The following PTCHD4 variants were observed in gnomAD, a reference collection of about 807,000 sequenced individuals.
PTCHD4 encodes patched domain-containing protein 4.
A neutral mutation model predicts 58.1 loss-of-function variants in PTCHD4; 33 were observed. The observed-to-expected ratio is 0.57, with a 90% confidence interval of 0.43 to 0.76. The LOEUF (loss-of-function observed/expected upper bound fraction) is 0.76. PTCHD4 is among the 30% of genes least tolerant of loss of function. The pLI, the probability that PTCHD4 is intolerant of heterozygous loss-of-function variation, is 0.00. For synonymous variants in PTCHD4, 478 were observed against 409.6 expected, an observed-to-expected ratio of 1.17 and a Z score of -2.02; for missense variants, 1,058 against 1,027.1, an observed-to-expected ratio of 1.03 and a Z score of -0.41.
chr6:48,075,354 T>C (rs1765043293), intron 1 of PTCHD4, among the ~76,000 whole-genome samples: 1 of 152,104 alleles, frequency 6.6e-6, no homozygotes, highest in African/African-American at 2.4e-5. Flanking sequence ...ATCATAAGTA[T>C]GGAATTTTCC....
intron 3 of PTCHD4, among the ~76,000 whole-genome samples, chr6:48,022,236 C>T (rs1396271458): frequency 2.0e-5 from 3 of 151,408 alleles, no homozygotes; most frequent in Non-Finnish European, 4.4e-5. Context: ...TCCCTGTTTT[C>T]CTCCTCTTTC....
At position 48,074,665 on chromosome 6, in the gene PTCHD4, GTTTGT is replaced by G. The variant is rs534028465; in HGVS notation, c.-969-4744_-969-4740del. On this transcript the variant is annotated intron_variant, in intron 1 of 4. Coordinates refer to ENST00000339488, the MANE Select transcript of PTCHD4 (RefSeq NM_001384253.1). ...ATTGTCACGGGGGAGTTTATGCAGA[GTTTGT>G]TTTGTTTTGTTTTGTTTTGTTTTAA... Among the ~76,000 whole-genome samples, 41 of 152,266 alleles carry G rather than the reference GTTTGT, an allele frequency of 2.7e-4. 1 individual carries two copies. The highest frequency in any genetic ancestry group is 7.9e-4 in the African/African-American group (33 of 41,538).
chr6:48,092,441 G>C (rs2113903642), intron 1 of PTCHD4, among the ~76,000 whole-genome samples: 1 of 152,304 alleles, frequency 6.6e-6, no homozygotes, highest in Admixed American at 6.5e-5. Flanking sequence ...ATTAAGATGA[G>C]AGAATATTAA....
chr6:47,889,568 A>G (rs1764313088), intron 4 of PTCHD4, among the ~76,000 whole-genome samples: 1 of 151,954 alleles, frequency 6.6e-6, no homozygotes, highest in African/African-American at 2.4e-5. Context: ...CAACTATCTG[A>G]TCTTTGACAA....
chr6:47,987,006 G>A (rs1468470509), intron 4 of PTCHD4, among the ~76,000 whole-genome samples: 1 of 151,916 alleles, frequency 6.6e-6, no homozygotes, highest in Admixed American at 6.6e-5. Flanking sequence ...TTTTTGAGAA[G>A]GAGATACCAG....
rs1765594199 is a variant in PTCHD4 at position 48,101,129 on chromosome 6, T to C, written c.-970+9920A>G. 1.3e-5 allele frequency among the ~76,000 whole-genome samples: 2 copies of C among 152,080 alleles called. 1 individual carries two copies. Among genetic ancestry groups the C allele is most frequent in the African/African-American group, 4.8e-5 (2 of 41,518 alleles). ...CAAATAGACAACCCAAGTTACTAAATGGTATTTTTAAGAGACACATCCCAA... is the reference window on the plus strand; with the variant it reads ...CAAATAGACAACCCAAGTTACTAAACGGTATTTTTAAGAGACACATCCCAA... On this transcript the variant is annotated intron_variant, in intron 1 of 4. Transcript: ENST00000339488.
chr6:48,055,772 T>C (rs560213286), intron 3 of PTCHD4, among the ~76,000 whole-genome samples: 1 of 152,356 alleles, frequency 6.6e-6, no homozygotes, highest in East Asian at 1.9e-4. Flanking sequence ...GGTGAGTATC[T>C]GTCTCCTGGG....
chr6:47,887,011 G>C (rs559348632), intron 4 of PTCHD4, among the ~76,000 whole-genome samples: 8 of 152,128 alleles, frequency 5.3e-5, no homozygotes, highest in Non-Finnish European at 1.2e-4. Context: ...CACTGGCCAG[G>C]TTAGGCACTT....
chr6:48,024,034 T>TA (rs1005356796), intron 3 of PTCHD4, among the ~76,000 whole-genome samples: 2 of 152,270 alleles, frequency 1.3e-5, no homozygotes, highest in Non-Finnish European at 1.5e-5. Flanking sequence ...CAAAATTACT[T>TA]AGAGTCTCTA....
Position 47,856,815 on chromosome 6 carries a change from A to T in PTCHD4, c.*21488T>A, listed in dbSNP as rs1488542461. 6.6e-6 allele frequency among the ~76,000 whole-genome samples: 1 copy of T among 152,122 alleles called. No homozygotes were observed. Among genetic ancestry groups the T allele is most frequent in the Non-Finnish European group, 1.5e-5 (1 of 67,990 alleles). ...TAAAAAAGTTAAAATAATTAACAGC[A>T]TTCATCAGATTAATTTTGTTTTCAC... On this transcript the variant is annotated 3_prime_UTR_variant, in exon 5 of 5. Transcript: ENST00000339488.
At chr6:47,931,037 G>T (rs143116950) in intron 4 of PTCHD4, among the ~76,000 whole-genome samples, 2 of 152,118 alleles carry the variant, frequency 1.3e-5, no homozygotes, top group African/African-American at 4.8e-5. Flanking sequence ...CACCCGCCTC[G>T]GCCTCCCAAA....
rs1243282267 is a variant in PTCHD4 at position 48,065,924 on chromosome 6, C to T, written c.417+2306G>A. 2.6e-5 allele frequency among the ~76,000 whole-genome samples: 4 copies of T among 152,192 alleles called. No homozygotes were observed. The East Asian group carries it at 5.8e-4, about 22-fold the overall frequency. On this transcript the variant is annotated intron_variant, in intron 3 of 4. Transcript: ENST00000339488. ...ATATTAACCTTTGTAATTAATGATT[C>T]CCTTCTTTAGCAATTACCCTCTGAC...
chr6:47,954,163 C>G (rs12201168), intron 4 of PTCHD4, among the ~76,000 whole-genome samples: 1 of 152,106 alleles, frequency 6.6e-6, no homozygotes, highest in Non-Finnish European at 1.5e-5. Context: ...TCAAGACCAG[C>G]TTGGCCAACA....
At chr6:48,058,290 T>G (rs949381566) in intron 3 of PTCHD4, among the ~76,000 whole-genome samples, 3 of 152,260 alleles carry the variant, frequency 2.0e-5, no homozygotes, top group Non-Finnish European at 4.4e-5. Context: ...AAATTTGCAT[T>G]TCTAACAAGT....
rs979432556 is a variant in PTCHD4, at chr6:47,864,172, C to T, written c.*14131G>A. 1.3e-5 allele frequency among the ~76,000 whole-genome samples: 2 copies of T among 151,938 alleles called. No homozygotes were observed. Among genetic ancestry groups the T allele is most frequent in the Non-Finnish European group, 2.9e-5 (2 of 67,910 alleles). ...TAGAAATGTAAATTTTCAGGCCTCA[C>T]TCCAGATCTATTGAATCAGAACCTC... On this transcript the variant is annotated 3_prime_UTR_variant, in exon 5 of 5. Transcript: ENST00000339488.
intron 3 of PTCHD4, among the ~76,000 whole-genome samples, chr6:48,028,229 C>A (rs1413690255): frequency 2.0e-5 from 3 of 151,984 alleles, no homozygotes; most frequent in Non-Finnish European, 4.4e-5. Context: ...AGGCATGAGT[C>A]ACCACAATTG....
chr6:47,958,619 A>G (rs1766960205), intron 4 of PTCHD4, among the ~76,000 whole-genome samples: 1 of 152,232 alleles, frequency 6.6e-6, no homozygotes, highest in Non-Finnish European at 1.5e-5. Flanking sequence ...AGCTCACAGA[A>G]TAGAATACTG....
intron 1 of PTCHD4, among the ~76,000 whole-genome samples, chr6:48,104,407 A>AT (rs1177692981): frequency 6.6e-6 from 1 of 152,210 alleles, no homozygotes; most frequent in Non-Finnish European, 1.5e-5. Flanking sequence ...ATGCTGAGAG[A>AT]TTTTGTCACC....
intron 4 of PTCHD4, among the ~76,000 whole-genome samples, chr6:47,966,535 AT>A (rs1423422809): frequency 5.9e-5 from 9 of 152,210 alleles, no homozygotes; most frequent in Non-Finnish European, 2.9e-5. Flanking sequence ...CCTTCTTTCC[AT>A]GAAAGATTTT....
Sources: allele counts gnomAD v4.1 joint callset (sites outside exome capture counted in the v4.1 genomes callset), GRCh38; gene constraint gnomAD v4.1.1; transcripts MANE v1.5; gene names NCBI Gene and HGNC (gene_info 2026-07-23, HGNC 2026-07-21).